The following FBXW7 variants were observed in gnomAD, a reference collection of about 807,000 sequenced individuals.
FBXW7 encodes the protein F-box and WD repeat domain containing 7, also known as F-box/WD repeat-containing protein 7.
FBXW7 carries 11 observed loss-of-function variants against 86.3 expected under a neutral mutation model. The observed-to-expected ratio is 0.13, with a 90% CI of 0.08 to 0.21. The LOEUF is 0.21. Among genes scored for constraint, FBXW7 ranks in the 10% least tolerant of loss-of-function variants. FBXW7 has a pLI of 1.00. For synonymous variants in FBXW7, 313 were observed against 297.9 expected, an observed-to-expected ratio of 1.05 and a Z score of -0.52; for missense variants, 488 against 847.4, an observed-to-expected ratio of 0.58 and a Z score of 5.27.
At chr4:152,452,641 G>T (rs1742010626) in intron 2 of FBXW7, among the ~76,000 whole-genome samples, 1 of 152,074 alleles carries the variant, frequency 6.6e-6, no homozygotes, top group Non-Finnish European at 1.5e-5. Flanking sequence ...AAAGAAAGAA[G>T]ATCAGTTGTT....
chr4:152,328,111 A>T, intron 11 of FBXW7, 97 bp downstream of exon 11: 1 of 937,346 alleles, frequency 1.1e-6, no homozygotes. Flanking sequence ...CTAATTTAAG[A>T]GCACACTGTC....
chr4:152,490,467 T>C (rs180759939), intron 2 of FBXW7, among the ~76,000 whole-genome samples: 15 of 152,196 alleles, frequency 9.9e-5, no homozygotes, highest in Admixed American at 7.2e-4. Context: ...CTACCTCAAA[T>C]AGCCCTCCCA....
intron 4 of FBXW7, among the ~76,000 whole-genome samples, chr4:152,366,886 T>C (rs913369472): frequency 2.0e-5 from 3 of 152,108 alleles, no homozygotes; most frequent in Non-Finnish European, 4.4e-5. Flanking sequence ...CAAATGTCCA[T>C]CAATGATAGA....
chr4:152,484,129 T>C (rs1745137744), intron 2 of FBXW7, among the ~76,000 whole-genome samples: 1 of 152,202 alleles, frequency 6.6e-6, no homozygotes, highest in East Asian at 1.9e-4. Context: ...GAATGAAGTG[T>C]TGTTATTTTC....
chr4:152,322,527 C>T lies in FBXW7; in HGVS notation c.*354G>A, dbSNP rs1335816162. 1.8e-5 allele frequency: 5 copies of T among 278,346 alleles called. No homozygotes were observed. The highest frequency in any genetic ancestry group is 3.4e-5 in the Non-Finnish European group (5 of 145,528). The allele number at this position is 278,346 out of a possible 1,614,324, so 17.2% of individuals were successfully genotyped here. On this transcript the variant is annotated 3_prime_UTR_variant, in exon 14 of 14. Coordinates refer to ENST00000281708, the MANE Select transcript of FBXW7 (RefSeq NM_001349798.2). ...TGGTAAAAGAACAGGCTAGCAGAAT[C>T]TGTAATGATGTTTCAGCATTAACAC...
intron 2 of FBXW7, among the ~76,000 whole-genome samples, chr4:152,453,429 CCATT>C (rs917528186): frequency 5.9e-5 from 9 of 152,096 alleles, no homozygotes; most frequent in African/African-American, 2.2e-4. Context: ...ATTCAGTCAC[CCATT>C]CAGTCATTCA....
chr4:152,341,774 T>C (rs1257280828), intron 6 of FBXW7, among the ~76,000 whole-genome samples: 1 of 152,182 alleles, frequency 6.6e-6, no homozygotes, highest in Non-Finnish European at 1.5e-5. Flanking sequence ...TACATTAACA[T>C]GAAAACCTTG....
chr4:152,530,103 G>A (rs535802012), intron 2 of FBXW7, among the ~76,000 whole-genome samples: 5 of 137,912 alleles, frequency 3.6e-5, no homozygotes, highest in African/African-American at 8.1e-5. Flanking sequence ...ACACACACAC[G>A]TGTATATATA....
Position 152,393,028 on chromosome 4 carries a change from A to G in FBXW7, c.501+18275T>C, listed in dbSNP as rs75816911. The stretch of plus-strand genomic sequence containing the variant: ...TTTTGTCTATATTCCAAGCAAATTC[A>G]GATGACAAATAAGGCAAGTATAATA... On this transcript the variant is annotated intron_variant, in intron 4 of 13. Transcript: ENST00000281708. 1.1e-4 allele frequency among the ~76,000 whole-genome samples: 16 copies of G among 152,324 alleles called. No individual in the cohort carries two copies. The East Asian group carries it at 2.3e-3, about 22-fold the overall frequency.
chr4:152,495,219 G>C (rs1248018439), intron 2 of FBXW7, among the ~76,000 whole-genome samples: 1 of 152,072 alleles, frequency 6.6e-6, no homozygotes, highest in Non-Finnish European at 1.5e-5. Context: ...GATCACCTGA[G>C]GTCAGGAGTT....
chr4:152,439,421 G>A (rs1481940946), intron 2 of FBXW7, among the ~76,000 whole-genome samples: 1 of 151,728 alleles, frequency 6.6e-6, no homozygotes, highest in East Asian at 1.9e-4. Flanking sequence ...ATTTTTATTA[G>A]AATGGGTACT....
intron 2 of FBXW7, among the ~76,000 whole-genome samples, chr4:152,423,407 T>C (rs1046262152): frequency 6.6e-6 from 1 of 152,210 alleles, no homozygotes; most frequent in African/African-American, 2.4e-5. Flanking sequence ...AAAAACTTTG[T>C]AAATTTTTAT....
intron 2 of FBXW7, among the ~76,000 whole-genome samples, chr4:152,462,712 A>G (rs1260113562): frequency 1.3e-5 from 2 of 152,150 alleles, no homozygotes; most frequent in Non-Finnish European, 2.9e-5. Flanking sequence ...TTTTTCTTTC[A>G]ATATTTTGTC....
chr4:152,411,329 A>T lies in FBXW7; in HGVS notation c.475T>A (p.Ser159Thr). 1 of 1,610,688 alleles carries T rather than the reference A, an allele frequency of 6.2e-7. No individual in the cohort carries two copies. Among genetic ancestry groups the T allele is most frequent in the South Asian group, 1.1e-5 (1 of 90,464 alleles). Reference sequence around the variant, plus strand: ...TTTGTTGTTTTTGTATAGAATGGGGAGGAGAGTTGGTGAACGGGCAGGTCC... The same window carrying T: ...TTTGTTGTTTTTGTATAGAATGGGGTGGAGAGTTGGTGAACGGGCAGGTCC... ...IVDLPVHQLS[S>T]PFYTKTTKMK... is the part of the protein sequence containing the mutation. Residue 159 changes from serine to threonine, a missense_variant, in exon 4 of 14, where the codon TCC (serine) becomes ACC (threonine). By Grantham distance (58) the Ser-to-Thr change is moderately conservative. Around this residue, in one of 4 missense-constraint regions of FBXW7, gnomAD observed 230 missense variants for 240.0 expected, o/e 0.96. Transcript: ENST00000281708.
intron 4 of FBXW7, among the ~76,000 whole-genome samples, chr4:152,392,572 T>TCAGC (rs1355113915): frequency 6.6e-6 from 1 of 152,116 alleles, no homozygotes; most frequent in Non-Finnish European, 1.5e-5. Context: ...AATGGCCAGA[T>TCAGC]CAGCCCTCCT....
At chr4:152,438,715 C>T (rs1434405821) in intron 2 of FBXW7, among the ~76,000 whole-genome samples, 1 of 152,088 alleles carries the variant, frequency 6.6e-6, no homozygotes, top group East Asian at 1.9e-4. Flanking sequence ...TAAAGCTATA[C>T]AAGTAAAGTA....
At chr4:152,530,272 C>T (rs1167978098) in intron 2 of FBXW7, 1 of 152,076 alleles carries the variant, frequency 6.6e-6, no homozygotes, top group African/African-American at 2.4e-5. Context: ...GAATTAGCCA[C>T]TGCAAGAGAT....
At chr4:152,484,948 C>T (rs1306543038) in intron 2 of FBXW7, among the ~76,000 whole-genome samples, 2 of 131,778 alleles carry the variant, frequency 1.5e-5, no homozygotes, top group South Asian at 2.4e-4. Flanking sequence ...GGTGACAGAG[C>T]GAGACTCTGT....
intron 2 of FBXW7, among the ~76,000 whole-genome samples, chr4:152,425,763 A>C (rs1739325453): frequency 6.6e-6 from 1 of 152,202 alleles, no homozygotes; most frequent in African/African-American, 2.4e-5. Context: ...TGGGTTTCTA[A>C]CTTATGTACT....
Sources: allele counts gnomAD v4.1 joint callset (sites outside exome capture counted in the v4.1 genomes callset), GRCh38; gene constraint gnomAD v4.1.1; regional missense constraint gnomAD v4.1.1; transcripts MANE v1.5; gene names NCBI Gene and HGNC (gene_info 2026-07-23, HGNC 2026-07-21).